The following NOS1AP variants were observed in gnomAD, a reference collection of about 807,000 sequenced individuals.
NOS1AP encodes the protein carboxyl-terminal PDZ ligand of neuronal nitric oxide synthase protein.
A neutral mutation model predicts 56.2 loss-of-function variants in NOS1AP; 21 were observed. The ratio of observed to expected loss-of-function variants is 0.37; its 90% CI spans 0.26 to 0.54. The LOEUF is 0.54. Ranked by LOEUF, NOS1AP falls within the 20% of genes least tolerant of loss-of-function variation. NOS1AP has a pLI of 0.84. For missense variants in NOS1AP, 522 were observed against 657.8 expected (o/e 0.79, Z 2.26); for synonymous variants, 270 against 274.6 (o/e 0.98, Z 0.17).
intron 2 of NOS1AP, among the ~76,000 whole-genome samples, chr1:162,213,460 C>G (rs1360139523): frequency 6.6e-6 from 1 of 152,186 alleles, no homozygotes; most frequent in Admixed American, 6.5e-5. Flanking sequence ...TTGCCAAATA[C>G]AAGAAGCAGA....
At chr1:162,262,475 A>T (rs1317205783) in intron 2 of NOS1AP, among the ~76,000 whole-genome samples, 1 of 152,218 alleles carries the variant, frequency 6.6e-6, no homozygotes, top group Admixed American at 6.5e-5. Context: ...CTTTTAGTCC[A>T]AATTTTTTTA....
At chr1:162,165,922 C>T (rs1218989015) in intron 2 of NOS1AP, among the ~76,000 whole-genome samples, 5 of 152,184 alleles carry the variant, frequency 3.3e-5, no homozygotes, top group Non-Finnish European at 7.3e-5. Flanking sequence ...GTTATCATTT[C>T]TGCAGTCTCT....
chr1:162,224,633 A>G (rs1652883941), intron 2 of NOS1AP, among the ~76,000 whole-genome samples: 1 of 152,188 alleles, frequency 6.6e-6, no homozygotes, highest in Non-Finnish European at 1.5e-5. Flanking sequence ...ATTAAACATG[A>G]AATAAAAGTG....
At chr1:162,357,257 A>G (rs1348770083) in intron 8 of NOS1AP, 121 bp downstream of exon 8, 5 of 1,472,156 alleles carry the variant, frequency 3.4e-6, no homozygotes, top group South Asian at 2.4e-5. Flanking sequence ...CGCTCATGCT[A>G]TTGGATCATT....
intron 1 of NOS1AP, among the ~76,000 whole-genome samples, chr1:162,126,234 T>A (rs1648482041): frequency 6.6e-6 from 1 of 152,172 alleles, no homozygotes; most frequent in Non-Finnish European, 1.5e-5. Context: ...ACAATGTAGT[T>A]TAACTTCTTC....
chr1:162,185,670 G>T (rs1051128950), intron 2 of NOS1AP, among the ~76,000 whole-genome samples: 3 of 152,176 alleles, frequency 2.0e-5, no homozygotes, highest in Non-Finnish European at 4.4e-5. Flanking sequence ...ACTGTCTAGG[G>T]TTGCTATAAT....
At chr1:162,290,127 A>G (rs977738389) in intron 3 of NOS1AP, among the ~76,000 whole-genome samples, 1 of 152,108 alleles carries the variant, frequency 6.6e-6, no homozygotes, top group Non-Finnish European at 1.5e-5. Context: ...CTTTGAAACT[A>G]CGTCCTGGGT....
At chr1:162,258,402 T>C (rs1325426333) in intron 2 of NOS1AP, among the ~76,000 whole-genome samples, 2 of 152,168 alleles carry the variant, frequency 1.3e-5, no homozygotes, top group African/African-American at 4.8e-5. Context: ...GAAGAATTAT[T>C]GTAAGAACAT....
rs16859733 is a variant in NOS1AP at position 162,287,590 on chromosome 1, G to C, written c.270+154G>C. Among the ~76,000 whole-genome samples the C allele has an allele frequency of 2.0e-5, 3 of 152,288 alleles. No individual in the cohort carries two copies. In the South Asian group the frequency reaches 6.2e-4, roughly 32 times the overall value. On this transcript the variant is annotated intron_variant, in intron 3 of 9. Transcript: ENST00000361897. Reference sequence around the variant, plus strand: ...GCAGCAATGGTGCTGACAGGCTGCAGCAGAGTGTAGGGCGAGGCGAGGCCA... The same window carrying C: ...GCAGCAATGGTGCTGACAGGCTGCACCAGAGTGTAGGGCGAGGCGAGGCCA...
intron 2 of NOS1AP, among the ~76,000 whole-genome samples, chr1:162,280,369 A>G (rs1654880145): frequency 6.6e-6 from 1 of 152,274 alleles, no homozygotes; most frequent in Non-Finnish European, 1.5e-5. Flanking sequence ...TAGTACATAT[A>G]TGATTAAGAC....
chr1:162,181,233 A>T (rs1311487819), intron 2 of NOS1AP, among the ~76,000 whole-genome samples: 1 of 152,238 alleles, frequency 6.6e-6, no homozygotes, highest in Non-Finnish European at 1.5e-5. Flanking sequence ...ACTTCAAAGG[A>T]GAAGGATTTG....
At chr1:162,275,206 G>C (rs548433672) in intron 2 of NOS1AP, among the ~76,000 whole-genome samples, 1 of 152,180 alleles carries the variant, frequency 6.6e-6, no homozygotes, top group East Asian at 1.9e-4. Context: ...TTGATACGGA[G>C]TCTCACTCTG....
At chr1:162,090,245 T>A (rs866975436) in intron 1 of NOS1AP, among the ~76,000 whole-genome samples, 28 of 152,128 alleles carry the variant, frequency 1.8e-4, no homozygotes, top group African/African-American at 3.6e-4. Flanking sequence ...TGACATTTTT[T>A]AAAAAATCTT....
intron 3 of NOS1AP, among the ~76,000 whole-genome samples, chr1:162,298,535 A>G (rs530916034): frequency 2.0e-4 from 30 of 152,326 alleles, no homozygotes; most frequent in African/African-American, 7.2e-4. Context: ...TCTGGGGGTA[A>G]TAAGGTGGCA....
intron 2 of NOS1AP, among the ~76,000 whole-genome samples, chr1:162,199,832 T>C (rs1170764308): frequency 2.0e-5 from 3 of 152,212 alleles, no homozygotes; most frequent in African/African-American, 7.2e-5. Context: ...GCTTAATTGT[T>C]TGATTTGCCG....
chr1:162,220,583 C>T (rs2101656981), intron 2 of NOS1AP, among the ~76,000 whole-genome samples: 1 of 152,298 alleles, frequency 6.6e-6, no homozygotes, highest in African/African-American at 2.4e-5. Context: ...GGATCTGCAG[C>T]ATTCCTAGGG....
intron 2 of NOS1AP, among the ~76,000 whole-genome samples, chr1:162,267,225 A>G (rs1254129314): frequency 6.6e-6 from 1 of 152,158 alleles, no homozygotes; most frequent in African/African-American, 2.4e-5. Flanking sequence ...TCTATCTCCA[A>G]ACTAATGTTT....
At chr1:162,072,059 C>CAGAT (rs138572328) in intron 1 of NOS1AP, among the ~76,000 whole-genome samples, 51,516 of 141,444 alleles carry the variant, frequency 0.36, 9,321 homozygotes, top group Middle Eastern at 0.41. Context: ...GACCCTGTCT[C>CAGAT]AGATAGATAG....
chr1:162,268,104 C>CA (rs1421541569), intron 2 of NOS1AP, among the ~76,000 whole-genome samples: 1 of 151,868 alleles, frequency 6.6e-6, no homozygotes, highest in East Asian at 1.9e-4. Context: ...ACTAAAAATA[C>CA]AAAAATTAGC....
Sources: allele counts gnomAD v4.1 joint callset (sites outside exome capture counted in the v4.1 genomes callset), GRCh38; gene constraint gnomAD v4.1.1; transcripts MANE v1.5; gene names NCBI Gene and HGNC (gene_info 2026-07-23, HGNC 2026-07-21).